Variants in LDB3 observed in about 807,000 individuals in gnomAD.
LDB3 encodes LIM domain-binding protein 3.
In LDB3, 49 loss-of-function variants were observed where a neutral mutation model predicts 69.0. That is an observed-to-expected ratio of 0.71 (90% CI 0.56 to 0.90). The LOEUF (loss-of-function observed/expected upper bound fraction) is 0.90, where lower values mean the gene tolerates loss of function less well. LDB3 is among the 40% of genes least tolerant of loss of function. LDB3 has a pLI of 0.00. For missense variants in LDB3, 928 were observed against 974.1 expected, an observed-to-expected ratio of 0.95 and a Z score of 0.63; for synonymous variants, 387 against 396.2, an observed-to-expected ratio of 0.98 and a Z score of 0.28.
chr10:86,735,744 A>AC lies in LDB3; in HGVS notation c.*2769dup, dbSNP rs1348608598. On this transcript the variant is annotated 3_prime_UTR_variant, in exon 14 of 14. Coordinates refer to ENST00000361373, the MANE Select transcript of LDB3 (RefSeq NM_007078.3). Reference sequence around the variant, plus strand: ...CAGTGAGCCGAGATTATGCCATTGCACTCCAGCCTGGGCAACAGGAGCGAA... The same window carrying AC: ...CAGTGAGCCGAGATTATGCCATTGCACCTCCAGCCTGGGCAACAGGAGCGAA... The AC allele has an allele frequency of 7.0e-6, 1 of 142,896 alleles. No homozygotes were observed. The highest frequency in any genetic ancestry group is 1.5e-5 in the Non-Finnish European group (1 of 66,958). The allele number at this position is 142,896 out of a possible 1,614,324, so 8.9% of individuals were successfully genotyped here.
At chr10:86,692,456 C>T (rs2132417668) in intron 6 of LDB3, 79 bp from the exon 7 acceptor site, 1 of 1,413,322 alleles carries the variant, frequency 7.1e-7, no homozygotes, top group East Asian at 2.3e-5. Context: ...ATCCTGGGGA[C>T]TCAGTGCCCA....
intron 2 of LDB3, among the ~76,000 whole-genome samples, chr10:86,678,258 C>T (rs1844912291): frequency 6.6e-6 from 1 of 151,892 alleles, no homozygotes; most frequent in African/African-American, 2.4e-5. Context: ...ACCATGTTGG[C>T]CAGGCTGACC....
chr10:86,723,268 TAAAAAAAAAAA>T (rs56259917), intron 12 of LDB3, among the ~76,000 whole-genome samples: 3 of 49,118 alleles, frequency 6.1e-5, no homozygotes, highest in South Asian at 1.8e-3. Context: ...AGACTCAATC[TAAAAAAAAAAA>T]AAAAAAAAAA....
At chr10:86,730,570 T>C (rs1847420361) in intron 13 of LDB3, among the ~76,000 whole-genome samples, 1 of 152,212 alleles carries the variant, frequency 6.6e-6, no homozygotes, top group Non-Finnish European at 1.5e-5. Context: ...AAAATTAGCA[T>C]AGAACTGGAG....
At chr10:86,708,178 C>T (rs1846514872) in intron 8 of LDB3, among the ~76,000 whole-genome samples, 1 of 152,252 alleles carries the variant, frequency 6.6e-6, no homozygotes, top group Non-Finnish European at 1.5e-5. Flanking sequence ...GGAGTCCTCC[C>T]TTCCTTCCCT....
At chr10:86,701,381 C>A (rs879861232) in intron 7 of LDB3, among the ~76,000 whole-genome samples, 2 of 152,298 alleles carry the variant, frequency 1.3e-5, no homozygotes, top group South Asian at 4.1e-4. Flanking sequence ...CCCAGCCTGT[C>A]GGAGCTCTCT....
At chr10:86,690,033 G>A (rs1201423911) in intron 5 of LDB3, among the ~76,000 whole-genome samples, 1 of 152,192 alleles carries the variant, frequency 6.6e-6, no homozygotes, top group Admixed American at 6.5e-5. Context: ...TTTGCACGGG[G>A]TTGTGGGAAA....
chr10:86,685,650 C>A, intron 5 of LDB3: 1 of 1,613,716 alleles, frequency 6.2e-7, no homozygotes, highest in Admixed American at 1.7e-5. Context: ...TCTGACCACC[C>A]TGTCTTCTTT....
intron 7 of LDB3, among the ~76,000 whole-genome samples, chr10:86,693,049 C>A (rs1845842031): frequency 1.3e-5 from 2 of 152,100 alleles, no homozygotes; most frequent in South Asian, 2.1e-4. Flanking sequence ...ATTGAGGTAC[C>A]AGTTCTGTAA....
At position 86,710,057 on chromosome 10, in the gene LDB3, G is replaced by A. The variant is rs949994168; in HGVS notation, c.1231+7G>A. ...CCTTCTGTCTACCAGCCAGGTAAGA[G>A]GCAGAGCAGGAGGGGAGGCTGTCGA... On this transcript the variant is annotated splice_region_variant and intron_variant, in intron 9 of 13. Coordinates refer to ENST00000361373, the MANE Select transcript of LDB3 (RefSeq NM_007078.3). 17 of 1,612,210 alleles carry A rather than the reference G, an allele frequency of 1.1e-5. No individual in the cohort carries two copies. Among genetic ancestry groups the A allele is most frequent in the African/African-American group, 1.3e-5 (1 of 74,932 alleles).
rs768575273 is a variant in LDB3 at position 86,687,234 on chromosome 10, C to T, written c.690-4662C>T. On this transcript the variant is annotated intron_variant, in intron 5 of 13. Coordinates refer to ENST00000361373, the MANE Select transcript of LDB3 (RefSeq NM_007078.3). ...CCCAGGATGCCATCATGGATGCCAT[C>T]GCTGGGCAGGCCCAAGCCCAAGGCA... 1.9e-6 allele frequency: 3 copies of T among 1,614,076 alleles called. No individual in the cohort carries two copies. The highest frequency in any genetic ancestry group is 2.2e-5 in the East Asian group (1 of 44,886).
chr10:86,734,800 A>C lies in LDB3; in HGVS notation c.*1824A>C, dbSNP rs566271030. 1 of 152,332 alleles carries C rather than the reference A, an allele frequency of 6.6e-6. No homozygotes were observed. Among genetic ancestry groups the C allele is most frequent in the Admixed American group, 6.5e-5 (1 of 15,302 alleles). The allele number at this position is 152,332 out of a possible 1,614,324, so 9.4% of individuals were successfully genotyped here. On this transcript the variant is annotated 3_prime_UTR_variant, in exon 14 of 14. Coordinates refer to ENST00000361373, the MANE Select transcript of LDB3 (RefSeq NM_007078.3). ...ATCTGTGAGAAGGTGAATACAAAGC[A>C]GCAGGCAGAGTAAAATCTGCTGGGA...
At position 86,718,110 on chromosome 10, in the gene LDB3, C is replaced by T. The variant is rs145983824; in HGVS notation, c.1823C>T (p.Pro608Leu). ...CERCYEQFFA[P>L]LCAKCNTKIM... The stretch of plus-strand genomic sequence containing the variant: ...CGATGTTATGAGCAATTCTTTGCCC[C>T]GCTGTGTGCCAAGTGCAACACCAAA... The change falls in exon 11 of 14, where the codon CCG becomes CTG. Residue 608 changes from proline (P) to leucine (L), a missense_variant. Transcript: ENST00000361373. The T allele has an allele frequency of 7.5e-5, 121 of 1,614,052 alleles. No individual in the cohort carries two copies. The highest frequency in any genetic ancestry group is 1.0e-4 in the Admixed American group (6 of 59,998).
Position 86,706,384 on chromosome 10 carries a change from C to T in LDB3, c.897-147C>T, listed in dbSNP as rs372451186. ...CTCCTTCCCTGAGCTGGAAGACACA[C>T]CCTCTGAGGATCCTACTCTGTTTGC... On this transcript the variant is annotated intron_variant, in intron 7 of 13. Transcript: ENST00000361373. 1.5e-5 allele frequency: 13 copies of T among 868,742 alleles called. No individual in the cohort carries two copies. The East Asian group carries it at 2.9e-4, about 19-fold the overall frequency. 53.8% of individuals were successfully genotyped at this position (868,742 alleles called of 1,614,324 possible). A position where few individuals can be genotyped will look rare whatever the true frequency, so the allele number is the denominator to read the frequency against.
chr10:86,675,567 A>G (rs1282626731), intron 2 of LDB3, among the ~76,000 whole-genome samples: 1 of 152,230 alleles, frequency 6.6e-6, no homozygotes, highest in Non-Finnish European at 1.5e-5. Context: ...CTGCCGTGAG[A>G]GAGCCTTGCT....
chr10:86,721,274 G>A (rs951358542), intron 12 of LDB3, among the ~76,000 whole-genome samples: 5 of 152,166 alleles, frequency 3.3e-5, no homozygotes, highest in Admixed American at 6.5e-5. Context: ...CTATCCTAAC[G>A]GGTATGAGGT....
At chr10:86,691,745 T>C (rs1408391655) in intron 5 of LDB3, 151 bp from the exon 6 acceptor site, 6 of 877,970 alleles carry the variant, frequency 6.8e-6, no homozygotes, top group South Asian at 1.3e-5. Context: ...ACCCAGGTCA[T>C]GCCCATATCT....
At chr10:86,677,799 G>A (rs1234000306) in intron 2 of LDB3, among the ~76,000 whole-genome samples, 1 of 152,188 alleles carries the variant, frequency 6.6e-6, no homozygotes, top group Non-Finnish European at 1.5e-5. Context: ...CATCCAGGCA[G>A]GGTTGTCGGC....
chr10:86,693,315 T>C (rs1845858198), intron 7 of LDB3, among the ~76,000 whole-genome samples: 1 of 152,198 alleles, frequency 6.6e-6, no homozygotes, highest in East Asian at 1.9e-4. Context: ...TGTGATTGTA[T>C]GTACACTTCC....
Sources: allele counts gnomAD v4.1 joint callset (sites outside exome capture counted in the v4.1 genomes callset), GRCh38; gene constraint gnomAD v4.1.1; transcripts MANE v1.5; gene names NCBI Gene and HGNC (gene_info 2026-07-23, HGNC 2026-07-21).